Variants in CLOCK observed in about 807,000 individuals in gnomAD.
The protein encoded by CLOCK is circadian locomoter output cycles protein kaput.
In CLOCK, 43 loss-of-function variants were observed where a neutral mutation model predicts 118.4. The observed-to-expected ratio is 0.36, with a 90% CI of 0.28 to 0.47. The LOEUF (loss-of-function observed/expected upper bound fraction) is 0.47, where lower values mean the gene tolerates loss of function less well. CLOCK is among the 20% of genes least tolerant of loss of function. The probability of loss-of-function intolerance (pLI) is 1.00; values close to 1 mark genes in which losing one functional copy is unlikely to be tolerated. For synonymous variants in CLOCK, 326 were observed against 339.2 expected, an observed-to-expected ratio of 0.96 and a Z score of 0.43; for missense variants, 846 against 999.9, an observed-to-expected ratio of 0.85 and a Z score of 2.08.
chr4:55,448,578 A>G (rs1391116068), intron 18 of CLOCK, among the ~76,000 whole-genome samples: 1 of 146,106 alleles, frequency 6.8e-6, no homozygotes, highest in Non-Finnish European at 1.5e-5. Flanking sequence ...CTATAATTAT[A>G]TATGTGCGCG....
At chr4:55,440,541 C>A (rs1386969474) in intron 21 of CLOCK, among the ~76,000 whole-genome samples, 1 of 152,028 alleles carries the variant, frequency 6.6e-6, no homozygotes, top group Non-Finnish European at 1.5e-5. Flanking sequence ...CAGATCTTGA[C>A]AATAAAATAC....
intron 9 of CLOCK, among the ~76,000 whole-genome samples, chr4:55,459,999 T>C (rs7692461): frequency 0.029 from 4,342 of 152,288 alleles, 215 homozygotes; most frequent in African/African-American, 0.099. Flanking sequence ...GTCTTCCATC[T>C]GAAATAAAGG....
chr4:55,481,961 T>C (rs1726963351), intron 4 of CLOCK, among the ~76,000 whole-genome samples: 1 of 152,214 alleles, frequency 6.6e-6, no homozygotes, highest in Non-Finnish European at 1.5e-5. Context: ...TTGGATTATA[T>C]CAAATTTAAG....
chr4:55,538,861 G>A (rs1229230239), intron 1 of CLOCK, among the ~76,000 whole-genome samples: 3 of 152,158 alleles, frequency 2.0e-5, no homozygotes, highest in Non-Finnish European at 4.4e-5. Flanking sequence ...CAAAAAGAAA[G>A]GAAGACAGAA....
intron 17 of CLOCK, 121 bp from the exon 18 acceptor site, chr4:55,448,989 A>G: frequency 5.2e-6 from 4 of 773,128 alleles, no homozygotes; most frequent in Non-Finnish European, 8.7e-6. Flanking sequence ...TACTTTTGTT[A>G]GCTGAATACA....
At chr4:55,499,875 G>A (rs551393894) in intron 2 of CLOCK, among the ~76,000 whole-genome samples, 1 of 152,152 alleles carries the variant, frequency 6.6e-6, no homozygotes, top group Admixed American at 6.5e-5. Flanking sequence ...TGCAATTAGG[G>A]AATCTCCCCC....
At position 55,429,030 on chromosome 4, in the gene CLOCK, G is replaced by C. The variant is rs985187120; in HGVS notation, c.*6385C>G. ...TTCCTGGCCAATTTTTTTGCTTGAA[G>C]ATGATTGTCTGGTTATACAAGACAT... On this transcript the variant is annotated 3_prime_UTR_variant, in exon 23 of 23. Coordinates refer to ENST00000513440, the MANE Select transcript of CLOCK (RefSeq NM_004898.4). The C allele has an allele frequency of 4.9e-4, 69 of 139,854 alleles. No homozygotes were observed. The highest frequency in any genetic ancestry group is 1.8e-3 in the African/African-American group (66 of 37,650). 8.7% of individuals were successfully genotyped at this position (139,854 alleles called of 1,614,324 possible). A position where few individuals can be genotyped will look rare whatever the true frequency, so the allele number is the denominator to read the frequency against.
Position 55,435,164 on chromosome 4 carries a change from A to G in CLOCK, c.*251T>C, listed in dbSNP as rs866491834. 3.9e-6 allele frequency: 2 copies of G among 509,522 alleles called. No homozygotes were observed. Among genetic ancestry groups the G allele is most frequent in the African/African-American group, 1.9e-5 (1 of 51,918 alleles). The allele number at this position is 509,522 out of a possible 1,614,324, so 31.6% of individuals were successfully genotyped here. A position where few individuals can be genotyped will look rare whatever the true frequency, so the allele number is the denominator to read the frequency against. ...TGGCAATATATTCTTTTTCCATCAA[A>G]AAATATCCAGGCACCTAAAACACTG... is the stretch of plus-strand genomic sequence containing the variant. On this transcript the variant is annotated 3_prime_UTR_variant, in exon 23 of 23. Transcript: ENST00000513440.
intron 2 of CLOCK, among the ~76,000 whole-genome samples, chr4:55,504,619 C>T (rs1728679603): frequency 6.6e-6 from 1 of 152,016 alleles, no homozygotes. Context: ...TGAATCTGAA[C>T]TGAACATATT....
At chr4:55,444,147 T>G (rs1182592311) in intron 19 of CLOCK, among the ~76,000 whole-genome samples, 1 of 152,220 alleles carries the variant, frequency 6.6e-6, no homozygotes, top group Non-Finnish European at 1.5e-5. Context: ...CAGCTCTGTA[T>G]CACTTATCAT....
intron 1 of CLOCK, among the ~76,000 whole-genome samples, chr4:55,537,006 A>T (rs1730947334): frequency 6.6e-6 from 1 of 152,190 alleles, no homozygotes; most frequent in South Asian, 2.1e-4. Flanking sequence ...CATAAAATAA[A>T]TCCGAATAAA....
intron 1 of CLOCK, among the ~76,000 whole-genome samples, chr4:55,534,772 C>T (rs535601980): frequency 1.8e-5 from 1 of 55,284 alleles, no homozygotes; most frequent in East Asian, 4.1e-4. Context: ...GACTTCAAAG[C>T]ACTACTGAGA....
At chr4:55,514,131 C>T (rs1448035419) in intron 1 of CLOCK, among the ~76,000 whole-genome samples, 2 of 152,052 alleles carry the variant, frequency 1.3e-5, no homozygotes, top group Non-Finnish European at 2.9e-5. Flanking sequence ...TTAGCTAGAA[C>T]TTCCAGTATG....
intron 16 of CLOCK, 126 bp downstream of exon 16, chr4:55,449,965 A>G (rs1017586220): frequency 2.9e-5 from 33 of 1,152,000 alleles, no homozygotes; most frequent in African/African-American, 6.2e-5. Flanking sequence ...TGGAAAGGTT[A>G]CTACATTTCA....
intron 15 of CLOCK, among the ~76,000 whole-genome samples, chr4:55,451,334 C>T (rs1724428743): frequency 6.6e-6 from 1 of 152,204 alleles, no homozygotes; most frequent in African/African-American, 2.4e-5. Flanking sequence ...ATTCACTCCT[C>T]ACTGATACTC....
Position 55,434,553 on chromosome 4 carries a change from G to C in CLOCK, c.*862C>G, listed in dbSNP as rs1722735992. On this transcript the variant is annotated 3_prime_UTR_variant, in exon 23 of 23. Coordinates refer to ENST00000513440, the MANE Select transcript of CLOCK (RefSeq NM_004898.4). ...AAATAATGAAATGAGGGATATTTCTGAATAACTTGAAAATCCTGTTGTATC... is the reference window on the plus strand; with the variant it reads ...AAATAATGAAATGAGGGATATTTCTCAATAACTTGAAAATCCTGTTGTATC... 6.6e-6 allele frequency: 1 copy of C among 151,700 alleles called. No individual in the cohort carries two copies. Among genetic ancestry groups the C allele is most frequent in the Non-Finnish European group, 1.5e-5 (1 of 67,868 alleles). 9.4% of individuals were successfully genotyped at this position (151,700 alleles called of 1,614,324 possible).
intron 1 of CLOCK, chr4:55,546,384 A>G (rs932805163): frequency 6.6e-6 from 1 of 152,220 alleles, no homozygotes; most frequent in African/African-American, 2.4e-5. Context: ...ACGACACGCC[A>G]AACTTGGGCT....
chr4:55,435,064 C>T lies in CLOCK; in HGVS notation c.*351G>A. ...TAACACTTGATAAGAGGCACAGAAC[C>T]ACTAAAAGTTACTAACATCATTAGT... On this transcript the variant is annotated 3_prime_UTR_variant, in exon 23 of 23. Transcript: ENST00000513440. The T allele has an allele frequency of 3.0e-6, 1 of 338,146 alleles. No individual in the cohort carries two copies. The highest frequency in any genetic ancestry group is 5.8e-6 in the Non-Finnish European group (1 of 172,566). 20.9% of individuals were successfully genotyped at this position (338,146 alleles called of 1,614,324 possible). A position where few individuals can be genotyped will look rare whatever the true frequency, so the allele number is the denominator to read the frequency against.
chr4:55,510,316 G>C (rs1219152656), intron 1 of CLOCK, among the ~76,000 whole-genome samples: 1 of 152,130 alleles, frequency 6.6e-6, no homozygotes, highest in Non-Finnish European at 1.5e-5. Context: ...AAACCAGTTT[G>C]CTGGAAATTG....
Sources: gnomAD v4.1 joint callset for allele counts (sites outside exome capture counted in the v4.1 genomes callset) on GRCh38, gnomAD v4.1.1 for gene constraint, MANE v1.5 for transcripts, NCBI Gene and HGNC (gene_info 2026-07-23, HGNC 2026-07-21) for gene names.